STARD13: variants seen among roughly 807,000 people sequenced by gnomAD.
STARD13 encodes the protein stAR-related lipid transfer protein 13.
In STARD13, 62 loss-of-function variants were observed where a neutral mutation model predicts 106.4. The ratio of observed to expected loss-of-function variants is 0.58; its 90% CI spans 0.48 to 0.72. STARD13 has a LOEUF of 0.72. STARD13 is among the 30% of genes least tolerant of loss of function. The probability of loss-of-function intolerance (pLI) is 0.00; values close to 1 mark genes in which losing one functional copy is unlikely to be tolerated. For synonymous variants in STARD13, 565 were observed against 553.0 expected (o/e 1.02, Z -0.31); for missense variants, 1,387 against 1,424.0 (o/e 0.97, Z 0.42).
At chr13:33,439,807 A>G in the STARD13 span, 5 of 689,216 alleles carry the variant, frequency 7.3e-6, no homozygotes, top group African/African-American at 7.8e-5. Context: ...AAAAAATAAG[A>G]TTGTAAAATT....
At chr13:33,217,359 G>C (rs994634372) in intron 1 of STARD13, among the ~76,000 whole-genome samples, 3 of 152,180 alleles carry the variant, frequency 2.0e-5, no homozygotes, top group Non-Finnish European at 2.9e-5. Flanking sequence ...AGCACCTCCT[G>C]CCTCCTGCCT....
intron 1 of STARD13, among the ~76,000 whole-genome samples, chr13:33,226,615 A>C (rs1329593112): frequency 6.6e-6 from 1 of 151,910 alleles, no homozygotes; most frequent in East Asian, 1.9e-4. Context: ...TTTTATTTTT[A>C]GTAGAGACAG....
chr13:33,254,989 G>A (rs1890272969), intron 1 of STARD13, among the ~76,000 whole-genome samples: 1 of 152,202 alleles, frequency 6.6e-6, no homozygotes, highest in Admixed American at 6.5e-5. Flanking sequence ...AGAAAAGGCA[G>A]AGGGTCCACT....
upstream of STARD13, among the ~76,000 whole-genome samples, chr13:33,288,989 A>G (rs994340928): frequency 6.6e-6 from 1 of 152,188 alleles, no homozygotes; most frequent in African/African-American, 2.4e-5. Flanking sequence ...CCACTGGGGT[A>G]GACAGGTCTG....
chr13:33,234,671 C>G (rs928498705), intron 1 of STARD13, among the ~76,000 whole-genome samples: 1 of 152,154 alleles, frequency 6.6e-6, no homozygotes, highest in Middle Eastern at 3.2e-3. Flanking sequence ...AACAAATCTA[C>G]CTCTCTTTGG....
At chr13:33,323,770 C>T (rs1215653863) in intron 1 of STARD13, among the ~76,000 whole-genome samples, 1 of 152,130 alleles carries the variant, frequency 6.6e-6, no homozygotes, top group Non-Finnish European at 1.5e-5. Flanking sequence ...CTTAAAAGAC[C>T]ACTTGGCTCC....
rs751904705 is a variant in STARD13 at position 33,130,820 on chromosome 13, G to T, written c.388-531C>A. Among the ~76,000 whole-genome samples, 1 of 152,110 alleles carries T rather than the reference G, an allele frequency of 6.6e-6. No homozygotes were observed. Among genetic ancestry groups the T allele is most frequent in the Non-Finnish European group, 1.5e-5 (1 of 68,020 alleles). ...TAGTCCCCTGCACTTGATTCTTATC[G>T]TGTATTCCCTGGATAAGGTAACAGC... On this transcript the variant is annotated intron_variant, in intron 4 of 13. Coordinates refer to ENST00000336934, the MANE Select transcript of STARD13 (RefSeq NM_178006.4). This position sits in a 1 kb window ranked among gnomAD's most constrained non-coding sequence, Gnocchi z 4.1.
chr13:33,578,175 A>G, the STARD13 span, among the ~76,000 whole-genome samples: 4 of 152,180 alleles, frequency 2.6e-5, no homozygotes, highest in South Asian at 6.2e-4. Flanking sequence ...TGGAATAGAA[A>G]AAGACCTTCA....
the STARD13 span, among the ~76,000 whole-genome samples, chr13:33,417,124 C>T: frequency 1.3e-5 from 2 of 152,190 alleles, no homozygotes; most frequent in South Asian, 2.1e-4. Flanking sequence ...CAAAAAGATG[C>T]TTGACATCAT....
At chr13:33,410,209 G>T in the STARD13 span, among the ~76,000 whole-genome samples, 1 of 152,318 alleles carries the variant, frequency 6.6e-6, no homozygotes, top group South Asian at 2.1e-4. Flanking sequence ...ACTAGGTTAG[G>T]TCATTGTCAG....
chr13:33,267,240 AG>A (rs1203152932), intron 1 of STARD13, among the ~76,000 whole-genome samples: 1 of 152,202 alleles, frequency 6.6e-6, no homozygotes, highest in Non-Finnish European at 1.5e-5. Flanking sequence ...GACACATAAA[AG>A]GGCAAAAACT....
rs183149579 is a variant in STARD13 at position 33,108,788 on chromosome 13, C to T, written c.3047+1085G>A. Among the ~76,000 whole-genome samples the T allele has an allele frequency of 4.0e-3, 605 of 152,356 alleles. 2 individuals carry two copies. The highest frequency in any genetic ancestry group is 0.013 in the African/African-American group (556 of 41,598). On this transcript the variant is annotated intron_variant, in intron 12 of 13. Transcript: ENST00000336934. ...CTATGGCATGGCCCCATTCCTATGG[C>T]AGCCATCCTGCAACAGCTATTCAAC...
chr13:33,511,179 G>A, the STARD13 span, among the ~76,000 whole-genome samples: 2 of 152,050 alleles, frequency 1.3e-5, no homozygotes, highest in Admixed American at 6.6e-5. Context: ...CAGGTATGGT[G>A]GAGTGTGCCT....
chr13:33,357,180 C>T, the STARD13 span, among the ~76,000 whole-genome samples: 6 of 152,228 alleles, frequency 3.9e-5, no homozygotes, highest in Non-Finnish European at 8.8e-5. Context: ...CCTGGTGGCC[C>T]TAGTTGTGCT....
the STARD13 span, among the ~76,000 whole-genome samples, chr13:33,466,815 A>G: frequency 3.3e-5 from 5 of 152,338 alleles, no homozygotes; most frequent in South Asian, 4.1e-4. Flanking sequence ...ACAAAAAGCA[A>G]CATGAATACA....
At chr13:33,556,597 CT>C in the STARD13 span, among the ~76,000 whole-genome samples, 1 of 152,156 alleles carries the variant, frequency 6.6e-6, no homozygotes, top group Non-Finnish European at 1.5e-5. Context: ...CTTACTCCTA[CT>C]TTTCACATTT....
the STARD13 span, among the ~76,000 whole-genome samples, chr13:33,565,335 A>G: frequency 6.8e-6 from 1 of 147,820 alleles, no homozygotes; most frequent in African/African-American, 2.5e-5. Flanking sequence ...CTAGGAGAGA[A>G]CAATTTGAAT....
the STARD13 span, among the ~76,000 whole-genome samples, chr13:33,526,264 G>C: frequency 6.6e-6 from 1 of 151,858 alleles, no homozygotes; most frequent in Admixed American, 6.6e-5. Context: ...TTTGTTAGCT[G>C]GTGTTTTCTT....
the STARD13 span, among the ~76,000 whole-genome samples, chr13:33,510,035 A>T: frequency 6.6e-6 from 1 of 152,196 alleles, no homozygotes; most frequent in Non-Finnish European, 1.5e-5. Flanking sequence ...GCATGAGATC[A>T]TTGTGATGGA....
Sources: gnomAD v4.1 joint callset for allele counts (sites outside exome capture counted in the v4.1 genomes callset) on GRCh38, gnomAD v4.1.1 for gene constraint, Gnocchi (gnomAD v3.1) non-coding constraint, MANE v1.5 for transcripts, NCBI Gene and HGNC (gene_info 2026-07-23, HGNC 2026-07-21) for gene names.